The following IQCH variants were observed in gnomAD, a reference collection of about 807,000 sequenced individuals.
IQCH encodes IQ motif containing H, also known as IQ domain-containing protein H.
IQCH carries 98 observed loss-of-function variants against 117.0 expected under a neutral mutation model. The ratio of observed to expected loss-of-function variants is 0.84; its 90% CI spans 0.71 to 0.99. IQCH has a LOEUF of 0.99. IQCH is among the 50% of genes least tolerant of loss of function. The pLI, the probability that IQCH is intolerant of heterozygous loss-of-function variation, is 0.00. For synonymous variants in IQCH, 412 were observed against 448.2 expected, an observed-to-expected ratio of 0.92 and a Z score of 1.02; for missense variants, 1,102 against 1,243.8, an observed-to-expected ratio of 0.89 and a Z score of 1.72.
rs986843419 is a variant in IQCH, at chr15:67,376,946, G to A, written c.1372+3513G>A. Among the ~76,000 whole-genome samples, 4 of 151,672 alleles carry A rather than the reference G, an allele frequency of 2.6e-5. No individual in the cohort carries two copies. The highest frequency in any genetic ancestry group is 5.9e-5 in the Non-Finnish European group (4 of 67,896). ...ATCCTGGCCAACATGGTGAAACCCC[G>A]TCTCTACTAAAAATACAAAAATTAG... On this transcript the variant is annotated intron_variant, in intron 10 of 20. Transcript: ENST00000335894. The surrounding 1 kb of genome is among the most constrained non-coding windows in gnomAD (Gnocchi z 5.0).
chr15:67,468,534 A>G (rs528827503), intron 17 of IQCH, among the ~76,000 whole-genome samples: 5 of 152,364 alleles, frequency 3.3e-5, no homozygotes, highest in African/African-American at 1.2e-4. Context: ...GAGTTAGGAT[A>G]CATTATCTTC....
At chr15:67,328,162 T>C (rs959848803) in intron 4 of IQCH, among the ~76,000 whole-genome samples, 1 of 16,254 alleles carries the variant, frequency 6.2e-5, no homozygotes, top group East Asian at 1.9e-3. Flanking sequence ...TGTTTTTAGT[T>C]TTTTTTTTAC....
chr15:67,374,243 G>A (rs1454108881), intron 10 of IQCH: 3 of 152,160 alleles, frequency 2.0e-5, no homozygotes, highest in Non-Finnish European at 4.4e-5. Flanking sequence ...AATTTCCTTG[G>A]TGAGGTCAGA....
chr15:67,485,168 A>G (rs1328935232), intron 18 of IQCH, among the ~76,000 whole-genome samples: 1 of 152,190 alleles, frequency 6.6e-6, no homozygotes, highest in African/African-American at 2.4e-5. Flanking sequence ...AATAGCTAGG[A>G]CTAATATGTT....
chr15:67,497,024 C>CAAAAA (rs753821092), intron 20 of IQCH, among the ~76,000 whole-genome samples: 7 of 35,804 alleles, frequency 2.0e-4, no homozygotes, highest in South Asian at 8.3e-4. Context: ...GACTCCGTCT[C>CAAAAA]AAAAAAAAAA....
intron 4 of IQCH, among the ~76,000 whole-genome samples, chr15:67,291,014 G>A (rs1020326244): frequency 2.6e-5 from 4 of 152,040 alleles, no homozygotes; most frequent in Non-Finnish European, 5.9e-5. Context: ...TATATCTCTC[G>A]CAGTGTTCAT....
intron 4 of IQCH, among the ~76,000 whole-genome samples, chr15:67,309,003 C>A (rs1393606157): frequency 6.6e-6 from 1 of 152,078 alleles, no homozygotes; most frequent in Non-Finnish European, 1.5e-5. Flanking sequence ...TGAACTGAAA[C>A]CACTTTTTAG....
intron 16 of IQCH, among the ~76,000 whole-genome samples, chr15:67,449,071 GTTTGT>G (rs1192294256): frequency 8.0e-4 from 3 of 3,750 alleles, no homozygotes; most frequent in Non-Finnish European, 1.6e-3. Context: ...TGATGGGGTT[GTTTGT>G]TTTTTTCTTG....
Position 67,421,484 on chromosome 15 carries a change from C to T in IQCH, c.2412C>T (p.Leu804=). 1.2e-6 allele frequency: 2 copies of T among 1,614,152 alleles called. No individual in the cohort carries two copies. The highest frequency in any genetic ancestry group is 8.5e-7 in the Non-Finnish European group (1 of 1,180,024). The change falls in exon 16 of 21, where the codon CTC becomes CTT. Residue 804 remains leucine (L), a synonymous_variant. Coordinates refer to ENST00000335894, the MANE Select transcript of IQCH (RefSeq NM_001031715.3). ...CCCAAGTTCTCACTTATTTGTGCCT[C>T]CAAATTGGAAAAGCCTGCAGAATGA... ...VDPQVLTYLC[L]QIGKACRMRD...
At chr15:67,371,060 C>T (rs1229246386) in intron 8 of IQCH, among the ~76,000 whole-genome samples, 2 of 151,932 alleles carry the variant, frequency 1.3e-5, no homozygotes, top group Non-Finnish European at 2.9e-5. Context: ...CATCTGAGAA[C>T]GCTGACATGT....
chr15:67,341,778 A>G (rs776948156), intron 5 of IQCH, among the ~76,000 whole-genome samples: 1 of 152,248 alleles, frequency 6.6e-6, no homozygotes, highest in African/African-American at 2.4e-5. Context: ...CAATCCAAAT[A>G]GACACATTTA....
intron 1 of IQCH, chr15:67,255,397 G>T: frequency 6.2e-6 from 1 of 162,004 alleles, no homozygotes; most frequent in Admixed American, 6.0e-5. Context: ...AGATCTAAAT[G>T]TTCCTCATTG....
intron 6 of IQCH, among the ~76,000 whole-genome samples, chr15:67,357,139 A>T (rs1969920820): frequency 6.6e-6 from 1 of 152,222 alleles, no homozygotes; most frequent in Non-Finnish European, 1.5e-5. Context: ...TTGTATTCTA[A>T]TAGAACTGTT....
chr15:67,401,029 G>A lies in IQCH; in HGVS notation c.2097+724G>A, dbSNP rs1181440389. Among the ~76,000 whole-genome samples the A allele has an allele frequency of 1.3e-5, 2 of 152,146 alleles. No homozygotes were observed. The highest frequency in any genetic ancestry group is 4.8e-5 in the African/African-American group (2 of 41,408). ...GAATTGTTGTCACCTGGAAGCTAATGTATAATAGCATTCTGTCAGCAGTCA... is the reference window on the plus strand; with the variant it reads ...GAATTGTTGTCACCTGGAAGCTAATATATAATAGCATTCTGTCAGCAGTCA... On this transcript the variant is annotated intron_variant, in intron 14 of 20. Transcript: ENST00000335894. The surrounding 1 kb of genome is among the most constrained non-coding windows in gnomAD (Gnocchi z 4.7).
chr15:67,414,850 C>G (rs2081538423), intron 14 of IQCH, among the ~76,000 whole-genome samples: 1 of 152,004 alleles, frequency 6.6e-6, no homozygotes, highest in South Asian at 2.1e-4. Flanking sequence ...TCACATTCCC[C>G]AGCAGTGGGG....
At chr15:67,307,218 A>G (rs1967343389) in intron 4 of IQCH, 3 of 795,372 alleles carry the variant, frequency 3.8e-6, no homozygotes, top group Non-Finnish European at 4.6e-6. Flanking sequence ...ATATAATGCA[A>G]TGTAAACTTA....
In IQCH at chr15:67,395,702, CTTTA is replaced by C. The variant is rs66772420; in HGVS notation, c.1905+171_1905+174del. On this transcript the variant is annotated intron_variant, in intron 13 of 20. Coordinates refer to ENST00000335894, the MANE Select transcript of IQCH (RefSeq NM_001031715.3). The surrounding 1 kb of genome is among the most constrained non-coding windows in gnomAD (Gnocchi z 4.0). Reference sequence around the variant, plus strand: ...ATTTGAGTTGATTTGAGGGAATCTACTTTATTTATTTATTTATTTATTTATTTAT... The same window carrying C: ...ATTTGAGTTGATTTGAGGGAATCTACTTTATTTATTTATTTATTTATTTAT... The C allele has an allele frequency of 0.15, 36,731 of 242,062 alleles. 3,749 individuals carry two copies. The highest frequency in any genetic ancestry group is 0.28 in the East Asian group (3,588 of 12,676). The allele number at this position is 242,062 out of a possible 1,614,324, so 15.0% of individuals were successfully genotyped here. A position where few individuals can be genotyped will look rare whatever the true frequency, so the allele number is the denominator to read the frequency against.
At chr15:67,307,066 T>C (rs1237723683) in intron 4 of IQCH, 19 of 1,279,644 alleles carry the variant, frequency 1.5e-5, no homozygotes, top group Admixed American at 3.8e-5. Context: ...AAACCAAACA[T>C]TGCTTTGAAT....
At chr15:67,429,920 T>C (rs1004581063) in intron 16 of IQCH, among the ~76,000 whole-genome samples, 3 of 152,162 alleles carry the variant, frequency 2.0e-5, no homozygotes, top group Non-Finnish European at 4.4e-5. Context: ...GAAGAAGTTG[T>C]GGAAATGTAA....
Sources: gnomAD v4.1 joint callset for allele counts (sites outside exome capture counted in the v4.1 genomes callset) on GRCh38, gnomAD v4.1.1 for gene constraint, Gnocchi (gnomAD v3.1) non-coding constraint, MANE v1.5 for transcripts, NCBI Gene and HGNC (gene_info 2026-07-23, HGNC 2026-07-21) for gene names.